The following ANK3 variants were observed in gnomAD, a reference collection of about 807,000 sequenced individuals.
The protein encoded by ANK3 is ankyrin 3, also known as ankyrin-3.
Under a neutral mutation model 370.9 loss-of-function variants are expected in ANK3, and 57 were observed. The observed-to-expected ratio is 0.15, with a 90% CI of 0.12 to 0.19. ANK3 has a LOEUF of 0.19. Ranked by LOEUF, ANK3 falls within the 10% of genes least tolerant of loss-of-function variation. The probability of loss-of-function intolerance (pLI) is 1.00; values close to 1 mark genes in which losing one functional copy is unlikely to be tolerated. For synonymous variants in ANK3, 1,929 were observed against 1,946.3 expected, an observed-to-expected ratio of 0.99 and a Z score of 0.23; for missense variants, 4,439 against 5,302.1, an observed-to-expected ratio of 0.84 and a Z score of 5.06.
At chr10:60,618,729 T>C (rs1025016102) in intron 1 of ANK3, among the ~76,000 whole-genome samples, 4 of 152,064 alleles carry the variant, frequency 2.6e-5, no homozygotes, top group Admixed American at 1.3e-4. Flanking sequence ...TCAGAGCAAA[T>C]GCCAAGTATA....
chr10:60,251,052 A>G (rs1453748363), intron 7 of ANK3, among the ~76,000 whole-genome samples: 2 of 152,230 alleles, frequency 1.3e-5, no homozygotes, highest in East Asian at 3.9e-4. Context: ...TGTACAAGTT[A>G]TGGAACTTCT....
At chr10:60,641,602 C>T (rs1048500535) in intron 1 of ANK3, among the ~76,000 whole-genome samples, 1 of 151,766 alleles carries the variant, frequency 6.6e-6, no homozygotes, top group African/African-American at 2.4e-5. Flanking sequence ...AACTGGATCC[C>T]TTCCTTACAC....
chr10:60,169,198 C>T (rs777242246), intron 21 of ANK3, among the ~76,000 whole-genome samples: 2 of 152,034 alleles, frequency 1.3e-5, no homozygotes, highest in Non-Finnish European at 2.9e-5. Context: ...CACAGCCTTG[C>T]CAGCATCCGT....
intron 2 of ANK3, among the ~76,000 whole-genome samples, chr10:60,405,168 C>T (rs918334995): frequency 6.6e-6 from 1 of 152,140 alleles, no homozygotes; most frequent in African/African-American, 2.4e-5. Flanking sequence ...AGCAATTCCA[C>T]ATCTAGATGT....
upstream of ANK3, among the ~76,000 whole-genome samples, chr10:60,391,964 G>T (rs975681783): frequency 3.9e-5 from 6 of 152,174 alleles, no homozygotes; most frequent in Non-Finnish European, 8.8e-5. Flanking sequence ...AGCTTGCTCA[G>T]ATTACTTTTT....
At chr10:60,151,363 C>T (rs758800106) in intron 23 of ANK3, among the ~76,000 whole-genome samples, 13 of 152,136 alleles carry the variant, frequency 8.5e-5, no homozygotes, top group African/African-American at 2.2e-4. Flanking sequence ...AGAGTGAATG[C>T]TTGCTCTATT....
chr10:60,207,303 T>C (rs1279382941), intron 10 of ANK3, among the ~76,000 whole-genome samples: 1 of 152,174 alleles, frequency 6.6e-6, no homozygotes, highest in Admixed American at 6.5e-5. Context: ...GCAAAAACCC[T>C]TCCTAAAAGG....
intron 28 of ANK3, among the ~76,000 whole-genome samples, chr10:60,099,263 T>C (rs1222871915): frequency 2.6e-5 from 4 of 152,152 alleles, no homozygotes; most frequent in Non-Finnish European, 4.4e-5. Flanking sequence ...GGGGGGCATA[T>C]GCCTGACACA....
chr10:60,295,591 C>T (rs761031439), intron 1 of ANK3, among the ~76,000 whole-genome samples: 6 of 152,142 alleles, frequency 3.9e-5, no homozygotes, highest in Non-Finnish European at 8.8e-5. Flanking sequence ...GGGAAGCAAA[C>T]AAAGCAGAGA....
chr10:60,535,531 T>C (rs1293378592), intron 2 of ANK3, among the ~76,000 whole-genome samples: 3 of 152,054 alleles, frequency 2.0e-5, no homozygotes, highest in Non-Finnish European at 4.4e-5. Flanking sequence ...TAATGTTACA[T>C]CTAAGAAAAT....
chr10:60,451,309 T>C (rs1321506689), intron 2 of ANK3, among the ~76,000 whole-genome samples: 4 of 152,184 alleles, frequency 2.6e-5, no homozygotes, highest in Non-Finnish European at 5.9e-5. Context: ...TTGTAGTCAC[T>C]TGCTATGGCA....
At chr10:60,303,162 C>T (rs1242373820) in intron 1 of ANK3, among the ~76,000 whole-genome samples, 1 of 152,056 alleles carries the variant, frequency 6.6e-6, no homozygotes, top group African/African-American at 2.4e-5. Flanking sequence ...TGATTTTTTG[C>T]ATATGATGTC....
intron 25 of ANK3, among the ~76,000 whole-genome samples, chr10:60,123,307 CCTGA>C (rs2093598068): frequency 6.6e-6 from 1 of 152,084 alleles, no homozygotes; most frequent in African/African-American, 2.4e-5. Context: ...GAGTCCAAAG[CCTGA>C]CTAATGATGA....
intron 1 of ANK3, among the ~76,000 whole-genome samples, chr10:60,730,008 C>T (rs2079997608): frequency 6.6e-6 from 1 of 152,172 alleles, no homozygotes; most frequent in African/African-American, 2.4e-5. Context: ...TGTTTGTCCA[C>T]CTTCAAACAT....
intron 1 of ANK3, among the ~76,000 whole-genome samples, chr10:60,661,929 G>A (rs895692715): frequency 1.3e-5 from 2 of 152,200 alleles, no homozygotes; most frequent in South Asian, 2.1e-4. Flanking sequence ...AAAGCCAGAC[G>A]GGGATTTGAA....
intron 2 of ANK3, among the ~76,000 whole-genome samples, chr10:60,596,505 T>C (rs972850333): frequency 3.3e-5 from 5 of 152,182 alleles, no homozygotes; most frequent in Non-Finnish European, 2.9e-5. Context: ...TTTAATATTG[T>C]GTAAGAAATA....
At chr10:60,702,550 G>A (rs903421893) in intron 1 of ANK3, among the ~76,000 whole-genome samples, 2 of 151,786 alleles carry the variant, frequency 1.3e-5, no homozygotes, top group African/African-American at 4.8e-5. Context: ...GTGATTATTG[G>A]TGTGTAAAAA....
chr10:60,252,661 C>A (rs1435369723), intron 7 of ANK3, among the ~76,000 whole-genome samples: 1 of 152,134 alleles, frequency 6.6e-6, no homozygotes, highest in Non-Finnish European at 1.5e-5. Flanking sequence ...CTCTTATTGT[C>A]TCAGTGTCAT....
chr10:60,631,583 T>A (rs1561850), intron 1 of ANK3, among the ~76,000 whole-genome samples: 100,650 of 151,938 alleles, frequency 0.66, 33,669 homozygotes, highest in South Asian at 0.82. Context: ...TTTCATTAAT[T>A]GTTATCCATA....
Sources: allele counts gnomAD v4.1 joint callset (sites outside exome capture counted in the v4.1 genomes callset), GRCh38; gene constraint gnomAD v4.1.1; transcripts MANE v1.5; gene names NCBI Gene and HGNC (gene_info 2026-07-23, HGNC 2026-07-21).